Variants in PTPRD observed in about 807,000 individuals in gnomAD.
PTPRD encodes the protein receptor-type tyrosine-protein phosphatase delta.
A neutral mutation model predicts 214.5 loss-of-function variants in PTPRD; 34 were observed. The observed-to-expected ratio is 0.16, with a 90% confidence interval of 0.12 to 0.21. The LOEUF (loss-of-function observed/expected upper bound fraction) is 0.21. PTPRD is among the 10% of genes least tolerant of loss of function. PTPRD has a pLI of 1.00. For missense variants in PTPRD, 2,545 were observed against 2,398.7 expected (o/e 1.06, Z -1.27); for synonymous variants, 1,128 against 845.7 (o/e 1.33, Z -5.79).
intron 9 of PTPRD, among the ~76,000 whole-genome samples, chr9:9,228,373 T>C (rs1048251919): frequency 2.0e-5 from 3 of 152,116 alleles, no homozygotes; most frequent in Non-Finnish European, 4.4e-5. Flanking sequence ...ATTGAATTAT[T>C]AGATTGCAAA....
chr9:10,280,361 C>T (rs762662712), intron 3 of PTPRD, among the ~76,000 whole-genome samples: 9 of 65,334 alleles, frequency 1.4e-4, no homozygotes, highest in African/African-American at 3.5e-4. Context: ...ACATAAACAC[C>T]ACACACACAC....
At chr9:9,179,596 T>C (rs2099926942) in intron 10 of PTPRD, among the ~76,000 whole-genome samples, 1 of 152,090 alleles carries the variant, frequency 6.6e-6, no homozygotes, top group Non-Finnish European at 1.5e-5. Context: ...ATGGTTTCAA[T>C]GTTTAGACAT....
intron 3 of PTPRD, among the ~76,000 whole-genome samples, chr9:10,296,904 G>T (rs597087): frequency 0.31 from 47,492 of 151,408 alleles, 9,046 homozygotes; most frequent in African/African-American, 0.53. Flanking sequence ...GAATTCACTA[G>T]ATTTATTGAT....
At chr9:9,400,341 C>A (rs2069805236) in intron 8 of PTPRD, among the ~76,000 whole-genome samples, 3 of 151,742 alleles carry the variant, frequency 2.0e-5, no homozygotes, top group Admixed American at 2.0e-4. Flanking sequence ...AAATATAAAG[C>A]AGGGAATATT....
intron 3 of PTPRD, among the ~76,000 whole-genome samples, chr9:10,182,286 A>G (rs11793409): frequency 6.6e-6 from 1 of 150,840 alleles, no homozygotes; most frequent in African/African-American, 2.4e-5. Flanking sequence ...AAAAGAAAAG[A>G]AAAAAGAAAG....
intron 3 of PTPRD, among the ~76,000 whole-genome samples, chr9:10,111,478 TC>T (rs562164042): frequency 0.043 from 6,541 of 151,956 alleles, 201 homozygotes; most frequent in Non-Finnish European, 0.066. Flanking sequence ...GACCTCGTGA[TC>T]CGCCCGCCTC....
intron 8 of PTPRD, among the ~76,000 whole-genome samples, chr9:9,565,300 CG>C (rs906786327): frequency 1.3e-5 from 2 of 151,652 alleles, no homozygotes; most frequent in African/African-American, 4.8e-5. Flanking sequence ...AAAAAATATG[CG>C]GTTTTTAAAA....
At chr9:8,866,184 T>TA (rs1273813639) in intron 11 of PTPRD, among the ~76,000 whole-genome samples, 1 of 152,198 alleles carries the variant, frequency 6.6e-6, no homozygotes, top group Non-Finnish European at 1.5e-5. Flanking sequence ...TGGAGAGATT[T>TA]AAAAGGCAAA....
At chr9:10,612,168 C>T (rs73642031) in intron 2 of PTPRD, among the ~76,000 whole-genome samples, 13,521 of 143,798 alleles carry the variant, frequency 0.094, 1,217 homozygotes, top group African/African-American at 0.23. Flanking sequence ...AGTAAGGCTG[C>T]CCATACTGAT....
intron 10 of PTPRD, chr9:9,090,757 T>C: frequency 1.6e-6 from 1 of 633,092 alleles, no homozygotes; most frequent in Non-Finnish European, 2.8e-6. Context: ...ACATCAGTGA[T>C]TTCAAGTTGC....
At chr9:9,148,171 T>C (rs772902593) in intron 10 of PTPRD, among the ~76,000 whole-genome samples, 3 of 152,174 alleles carry the variant, frequency 2.0e-5, no homozygotes, top group Non-Finnish European at 2.9e-5. Flanking sequence ...AGAGAAAGTT[T>C]TTGCTAGAGA....
intron 3 of PTPRD, among the ~76,000 whole-genome samples, chr9:10,235,395 C>T (rs965240184): frequency 3.3e-5 from 5 of 151,878 alleles, no homozygotes; most frequent in African/African-American, 7.2e-5. Context: ...AAAATTCCCT[C>T]GTCGCGCATC....
At chr9:8,966,801 T>A (rs558803506) in intron 11 of PTPRD, among the ~76,000 whole-genome samples, 2 of 152,072 alleles carry the variant, frequency 1.3e-5, no homozygotes, top group South Asian at 2.1e-4. Flanking sequence ...AAAGAAACTA[T>A]CAACAGAGTA....
chr9:9,401,793 G>C (rs2070676818), intron 8 of PTPRD, among the ~76,000 whole-genome samples: 1 of 151,936 alleles, frequency 6.6e-6, no homozygotes, highest in African/African-American at 2.4e-5. Context: ...CTGATAGTGA[G>C]TGAGTTCTCA....
chr9:8,319,755 G>C, intron 45 of PTPRD, 76 bp downstream of exon 45: 2 of 1,549,376 alleles, frequency 1.3e-6, no homozygotes, highest in Non-Finnish European at 1.8e-6. Context: ...GGTGTTGAGA[G>C]AGTATGGAGT....
intron 5 of PTPRD, among the ~76,000 whole-genome samples, chr9:9,892,402 G>T (rs748793499): frequency 6.6e-6 from 1 of 152,090 alleles, no homozygotes; most frequent in African/African-American, 2.4e-5. Context: ...CCCTGAGAGT[G>T]TGTGCACACT....
chr9:9,509,474 CCTCACTT>C (rs2096648289), intron 8 of PTPRD, among the ~76,000 whole-genome samples: 1 of 151,278 alleles, frequency 6.6e-6, no homozygotes, highest in African/African-American at 2.4e-5. Context: ...ACACCAGACC[CCTCACTT>C]GTGGTGACTG....
At chr9:9,968,259 G>C (rs2094843744) in intron 4 of PTPRD, among the ~76,000 whole-genome samples, 1 of 152,150 alleles carries the variant, frequency 6.6e-6, no homozygotes, top group Non-Finnish European at 1.5e-5. Flanking sequence ...AGTGAAGCTG[G>C]AGAGGAACAG....
chr9:10,045,901 T>C (rs945588469), intron 3 of PTPRD, among the ~76,000 whole-genome samples: 1 of 151,898 alleles, frequency 6.6e-6, no homozygotes, highest in African/African-American at 2.4e-5. Context: ...TGATACCTCA[T>C]GATGTTTTCA....
Sources: gnomAD v4.1 joint callset for allele counts (sites outside exome capture counted in the v4.1 genomes callset) on GRCh38, gnomAD v4.1.1 for gene constraint, MANE v1.5 for transcripts, NCBI Gene and HGNC (gene_info 2026-07-23, HGNC 2026-07-21) for gene names.